Variants in MBP observed in about 807,000 individuals in gnomAD.
MBP encodes the protein myelin basic protein.
A neutral mutation model predicts 35.8 loss-of-function variants in MBP; 16 were observed. That is an observed-to-expected ratio of 0.45 (90% CI 0.30 to 0.68). The LOEUF (loss-of-function observed/expected upper bound fraction) is 0.68. Among genes scored for constraint, MBP ranks in the 30% least tolerant of loss-of-function variants. MBP has a pLI of 0.08. For synonymous variants in MBP, 143 were observed against 159.6 expected, an observed-to-expected ratio of 0.90 and a Z score of 0.78; for missense variants, 380 against 404.7, an observed-to-expected ratio of 0.94 and a Z score of 0.52.
rs1448502805 is a variant in MBP, at chr18:77,040,511, T to C, written c.140-23243A>G. Among the ~76,000 whole-genome samples, 5 of 152,292 alleles carry C rather than the reference T, an allele frequency of 3.3e-5. No individual in the cohort carries two copies. The East Asian group carries it at 5.8e-4, about 18-fold the overall frequency. The stretch of plus-strand genomic sequence containing the variant: ...CAAAAGAACAAAGCTGGAGGCATCA[T>C]GCTACCTGACTTCAAACTATACTAC... On this transcript the variant is annotated intron_variant, in intron 3 of 8. Coordinates refer to ENST00000355994, the MANE Select transcript of MBP (RefSeq NM_001025101.2).
At chr18:77,004,100 G>C (rs1793093197) in intron 4 of MBP, 1 of 152,148 alleles carries the variant, frequency 6.6e-6, no homozygotes, top group African/African-American at 2.4e-5. Context: ...GACTGTAAAT[G>C]GTGGGCCATG....
intron 3 of MBP, among the ~76,000 whole-genome samples, chr18:77,042,396 T>C (rs1165535421): frequency 6.6e-6 from 1 of 152,224 alleles, no homozygotes; most frequent in African/African-American, 2.4e-5. Context: ...TTCTCTTAGC[T>C]GAAACAGAGT....
intron 1 of MBP, among the ~76,000 whole-genome samples, chr18:77,120,319 C>T (rs1328581316): frequency 1.3e-5 from 2 of 152,236 alleles, no homozygotes; most frequent in African/African-American, 4.8e-5. Flanking sequence ...CAGGTGACCT[C>T]AGACGCGCTG....
Position 76,988,439 on chromosome 18 carries a change from G to A in MBP, c.750+56C>T. 1.2e-6 allele frequency: 2 copies of A among 1,614,240 alleles called. No individual in the cohort carries two copies. Among genetic ancestry groups the A allele is most frequent in the Non-Finnish European group, 8.5e-7 (1 of 1,180,046 alleles). ...AACAGAGCAGAACACAAAAGTTGCG[G>A]GGCTGTGAGGACTGGGACGGAAGAG... On this transcript the variant is annotated intron_variant, in intron 7 of 8. Coordinates refer to ENST00000355994, the MANE Select transcript of MBP (RefSeq NM_001025101.2). The surrounding 1 kb of genome is among the most constrained non-coding windows in gnomAD (Gnocchi z 5.2).
chr18:76,997,893 A>T (rs892452709), intron 4 of MBP, among the ~76,000 whole-genome samples: 5 of 152,190 alleles, frequency 3.3e-5, no homozygotes, highest in Non-Finnish European at 7.4e-5. Flanking sequence ...TGTGTTAGCC[A>T]GGATGGTCTC....
chr18:77,074,680 G>A (rs1292178958), intron 2 of MBP, among the ~76,000 whole-genome samples: 1 of 152,118 alleles, frequency 6.6e-6, no homozygotes, highest in Non-Finnish European at 1.5e-5. Flanking sequence ...CACAGCTGGG[G>A]CGGAACCAAA....
intron 2 of MBP, among the ~76,000 whole-genome samples, chr18:77,100,532 TG>T (rs1211875498): frequency 6.7e-5 from 10 of 149,200 alleles, no homozygotes; most frequent in African/African-American, 2.5e-4. Context: ...TGTGTGTGTG[TG>T]TGTGTGTGTG....
At chr18:77,128,830 C>G (rs1020625315) in intron 1 of MBP, among the ~76,000 whole-genome samples, 1 of 152,188 alleles carries the variant, frequency 6.6e-6, no homozygotes, top group African/African-American at 2.4e-5. Context: ...ATTGTTAGAT[C>G]TTAGGATACA....
In MBP at chr18:77,001,189, C is replaced by G. The variant is rs113728060; in HGVS notation, c.577-11129G>C. Reference sequence around the variant, plus strand: ...ACCCGGTTCCCACTCATAGGGTCCCCGCTCACTGTCCCGGACCCTGAAGCT... The same window carrying G: ...ACCCGGTTCCCACTCATAGGGTCCCGGCTCACTGTCCCGGACCCTGAAGCT... On this transcript the variant is annotated intron_variant, in intron 4 of 8. Transcript: ENST00000355994. Among the ~76,000 whole-genome samples, 69 of 152,372 alleles carry G rather than the reference C, an allele frequency of 4.5e-4. 2 individuals carry two copies. The highest frequency in any genetic ancestry group is 1.4e-3 in the African/African-American group (60 of 41,586).
intron 4 of MBP, among the ~76,000 whole-genome samples, chr18:76,999,040 G>A (rs921820868): frequency 7.0e-6 from 1 of 142,774 alleles, no homozygotes; most frequent in East Asian, 2.0e-4. Context: ...TGTTTTGGGG[G>A]GTTTTTCAAT....
intron 4 of MBP, chr18:77,014,111 A>G: frequency 3.0e-6 from 3 of 985,496 alleles, no homozygotes; most frequent in Non-Finnish European, 3.6e-6. Context: ...ACAACAAAGG[A>G]GCATGTTCTC....
rs944617851 is a variant in MBP, at chr18:77,020,929, C to T, written c.140-3661G>A. ...CTAAGAGGCAGGAAAGTCATAAAGA[C>T]GTTGGTGAGGAAAAGATGTTTCTCA... On this transcript the variant is annotated intron_variant, in intron 3 of 8. Transcript: ENST00000355994. This position sits in a 1 kb window ranked among gnomAD's most constrained non-coding sequence, Gnocchi z 4.1. 2.6e-5 allele frequency among the ~76,000 whole-genome samples: 4 copies of T among 152,306 alleles called. No individual in the cohort carries two copies. In the East Asian group the frequency reaches 7.7e-4, roughly 29 times the overall value.
intron 8 of MBP, chr18:76,980,756 C>T (rs1385251051): frequency 2.4e-6 from 1 of 413,590 alleles, no homozygotes. Context: ...CAACGCTGCA[C>T]TTCTGTGGGT....
At chr18:77,066,197 G>T in intron 3 of MBP, 101 bp downstream of exon 3, 1 of 810,878 alleles carries the variant, frequency 1.2e-6, no homozygotes, top group Non-Finnish European at 2.1e-6. Context: ...CAGATCCATG[G>T]ATCACCCATG....
chr18:76,986,907 A>G, intron 7 of MBP: 1 of 985,500 alleles, frequency 1.0e-6, no homozygotes. Flanking sequence ...AGAATGTACC[A>G]GGAAACACAC....
intron 3 of MBP, among the ~76,000 whole-genome samples, chr18:77,060,588 T>C (rs1335766275): frequency 6.6e-6 from 1 of 151,726 alleles, no homozygotes; most frequent in African/African-American, 2.4e-5. Context: ...GTAGCCAGGA[T>C]TACAGGTGTG....
At chr18:76,997,069 T>A (rs1163931722) in intron 4 of MBP, among the ~76,000 whole-genome samples, 1 of 152,196 alleles carries the variant, frequency 6.6e-6, no homozygotes, top group Non-Finnish European at 1.5e-5. Context: ...CAAATGTCTC[T>A]GTTTTGGGAA....
intron 7 of MBP, chr18:76,987,685 C>A: frequency 1.0e-6 from 1 of 991,046 alleles, no homozygotes. Context: ...GAGACAGACA[C>A]AACCTATCTA....
intron 4 of MBP, among the ~76,000 whole-genome samples, chr18:76,993,203 G>T (rs560902593): frequency 2.6e-5 from 4 of 152,190 alleles, no homozygotes; most frequent in African/African-American, 7.2e-5. Context: ...TACCACAAAA[G>T]TGAAGCAGAC....
Sources: allele counts gnomAD v4.1 joint callset (sites outside exome capture counted in the v4.1 genomes callset), GRCh38; gene constraint gnomAD v4.1.1; non-coding constraint Gnocchi (gnomAD v3.1); transcripts MANE v1.5; gene names NCBI Gene and HGNC (gene_info 2026-07-23, HGNC 2026-07-21).